FIRRM: variants seen among roughly 807,000 people sequenced by gnomAD.
FIRRM encodes the protein FIGNL1 interacting regulator of recombination and mitosis, also known as FIGNL1-interacting regulator of recombination and mitosis.
the FIRRM span, chr1:169,853,815 C>A: frequency 2.7e-5 from 43 of 1,590,608 alleles, no homozygotes; most frequent in Non-Finnish European, 3.7e-5. Context: ...TGAAACAAAT[C>A]ATATGCAAAA....
chr1:169,832,507 G>A, the FIRRM span: 1 of 1,607,544 alleles, frequency 6.2e-7, no homozygotes. Flanking sequence ...ACCCCATCAG[G>A]CAAGGAAGGA....
the FIRRM span, among the ~76,000 whole-genome samples, chr1:169,791,353 G>A: frequency 6.6e-6 from 1 of 152,166 alleles, no homozygotes; most frequent in African/African-American, 2.4e-5. Flanking sequence ...CTAGGAATAT[G>A]CTTTTTAATA....
chr1:169,795,911 C>G, the FIRRM span: 312,960 of 985,100 alleles, frequency 0.32, 50,162 homozygotes, highest in Middle Eastern at 0.35. Flanking sequence ...CTTCTTCGTC[C>G]GGGTGCAGCA....
At chr1:169,811,841 T>TTATC in the FIRRM span, among the ~76,000 whole-genome samples, 24 of 141,952 alleles carry the variant, frequency 1.7e-4, no homozygotes, top group East Asian at 2.0e-3. Flanking sequence ...AGATAATAGA[T>TTATC]TATCTAAATA....
chr1:169,823,344 G>A, the FIRRM span: 1 of 908,450 alleles, frequency 1.1e-6, no homozygotes, highest in Non-Finnish European at 1.7e-6. Flanking sequence ...ATACCTTTGT[G>A]AGATTATATG....
the FIRRM span, among the ~76,000 whole-genome samples, chr1:169,826,487 C>T: frequency 5.9e-5 from 9 of 152,054 alleles, no homozygotes; most frequent in South Asian, 2.1e-4. Flanking sequence ...CTCAGCCTCC[C>T]GAGTAGCTGG....
chr1:169,852,841 T>G, the FIRRM span: 1 of 1,614,138 alleles, frequency 6.2e-7, no homozygotes, highest in South Asian at 1.1e-5. Flanking sequence ...AGAGTACAGG[T>G]CAGCGCTGCA....
the FIRRM span, among the ~76,000 whole-genome samples, chr1:169,797,474 T>C: frequency 6.6e-6 from 1 of 152,236 alleles, no homozygotes; most frequent in African/African-American, 2.4e-5. Flanking sequence ...ATGACCTCAT[T>C]TTGATTGCTG....
chr1:169,803,448 A>G, the FIRRM span: 1 of 921,466 alleles, frequency 1.1e-6, no homozygotes. Context: ...AGAACATGTA[A>G]GTAAATAATT....
the FIRRM span, chr1:169,803,245 A>G: frequency 3.1e-6 from 5 of 1,614,036 alleles, no homozygotes; most frequent in Non-Finnish European, 3.4e-6. Context: ...ATCATTTTGG[A>G]AAATATTCAG....
chr1:169,848,210 G>A, the FIRRM span, among the ~76,000 whole-genome samples: 1,658 of 152,188 alleles, frequency 0.011, 29 homozygotes, highest in African/African-American at 0.037. Context: ...TGAAAGTGTT[G>A]CAAAATATGT....
At chr1:169,832,316 C>CT in the FIRRM span, 1 of 730,792 alleles carries the variant, frequency 1.4e-6, no homozygotes, top group South Asian at 1.7e-5. Context: ...ATCTTTTCCC[C>CT]TAGAAAGAGC....
the FIRRM span, among the ~76,000 whole-genome samples, chr1:169,819,848 C>T: frequency 3.3e-5 from 5 of 152,168 alleles, no homozygotes; most frequent in Admixed American, 3.3e-4. Context: ...ACACAGATAT[C>T]AACCAGAAAG....
chr1:169,802,595 G>A, the FIRRM span: 1 of 1,462,474 alleles, frequency 6.8e-7, no homozygotes, highest in African/African-American at 1.4e-5. Context: ...TCTTATTCCT[G>A]TTTATTACTT....
At chr1:169,852,994 T>C in the FIRRM span, 59 of 1,606,972 alleles carry the variant, frequency 3.7e-5, no homozygotes, top group Admixed American at 1.0e-4. Context: ...GTGAAACTTA[T>C]CACTAGGCAG....
At chr1:169,834,443 C>T in the FIRRM span, among the ~76,000 whole-genome samples, 5,668 of 152,002 alleles carry the variant, frequency 0.037, 176 homozygotes, top group South Asian at 0.11. Context: ...GACCATTTAA[C>T]AAATGTTAGG....
the FIRRM span, among the ~76,000 whole-genome samples, chr1:169,822,662 GC>G: frequency 6.6e-6 from 1 of 151,992 alleles, no homozygotes; most frequent in Non-Finnish European, 1.5e-5. Flanking sequence ...ACCACACCCA[GC>G]TAATTTTTGT....
the FIRRM span, chr1:169,800,766 G>A: frequency 9.0e-6 from 4 of 443,846 alleles, no homozygotes; most frequent in Non-Finnish European, 1.2e-5. Flanking sequence ...ATAGAATGTG[G>A]TATTTTGAAA....
At chr1:169,830,484 C>A in the FIRRM span, 1 of 887,074 alleles carries the variant, frequency 1.1e-6, no homozygotes. Context: ...TTTCATATTA[C>A]AGCATTAAAT....
Sources: allele counts gnomAD v4.1 joint callset (sites outside exome capture counted in the v4.1 genomes callset), GRCh38; gene constraint gnomAD v4.1.1; transcripts MANE v1.5; gene names NCBI Gene and HGNC (gene_info 2026-07-23, HGNC 2026-07-21).